The following TP63 variants were observed in gnomAD, a reference collection of about 807,000 sequenced individuals.
TP63 encodes the protein tumor protein 63.
A neutral mutation model predicts 82.8 loss-of-function variants in TP63; 17 were observed. The observed-to-expected ratio is 0.21, with a 90% CI of 0.14 to 0.31. TP63 has a LOEUF of 0.31. Among genes scored for constraint, TP63 ranks in the 10% least tolerant of loss-of-function variants. The pLI is 1.00. For missense variants in TP63, 648 were observed against 895.3 expected (o/e 0.72, Z 3.52); for synonymous variants, 330 against 321.7 (o/e 1.03, Z -0.28).
chr3:189,769,817 T>C (rs1187954413), intron 3 of TP63, among the ~76,000 whole-genome samples: 1 of 152,230 alleles, frequency 6.6e-6, no homozygotes, highest in Non-Finnish European at 1.5e-5. Context: ...ATTTTAATGC[T>C]AATTTGTTTT....
chr3:189,850,569 T>C (rs1466274542), intron 4 of TP63, among the ~76,000 whole-genome samples: 1 of 152,122 alleles, frequency 6.6e-6, no homozygotes, highest in Non-Finnish European at 1.5e-5. Flanking sequence ...TGTAGGATGA[T>C]GTAAATTAAA....
chr3:189,766,902 C>G (rs992074441), intron 3 of TP63, among the ~76,000 whole-genome samples: 1 of 152,160 alleles, frequency 6.6e-6, no homozygotes, highest in African/African-American at 2.4e-5. Context: ...AGGGATTAAA[C>G]TCTTTGGATG....
At chr3:189,882,413 G>A (rs1720012908) in intron 10 of TP63, among the ~76,000 whole-genome samples, 1 of 151,678 alleles carries the variant, frequency 6.6e-6, no homozygotes, top group African/African-American at 2.4e-5. Flanking sequence ...AGGCAGTACT[G>A]GGTAAAATTG....
intron 8 of TP63, 33 bp from the exon 9 acceptor site, chr3:189,869,291 C>T (rs1718117796): frequency 6.4e-7 from 1 of 1,570,300 alleles, no homozygotes; most frequent in African/African-American, 1.3e-5. Context: ...TAGAAGTGTT[C>T]CCAGGATGAA....
chr3:189,722,676 C>A (rs1433272615), intron 1 of TP63, among the ~76,000 whole-genome samples: 2 of 152,198 alleles, frequency 1.3e-5, no homozygotes, highest in African/African-American at 4.8e-5. Flanking sequence ...CAAAGTTATA[C>A]ACCTAGTAAA....
chr3:189,768,967 C>G (rs1723144701), intron 3 of TP63, among the ~76,000 whole-genome samples: 1 of 152,120 alleles, frequency 6.6e-6, no homozygotes, highest in African/African-American at 2.4e-5. Flanking sequence ...CTGCAGAAGA[C>G]CTCTTTGAAG....
At chr3:189,801,247 T>C (rs961273085) in intron 3 of TP63, among the ~76,000 whole-genome samples, 2 of 152,202 alleles carry the variant, frequency 1.3e-5, no homozygotes, top group East Asian at 1.9e-4. Flanking sequence ...ATATCTGCTA[T>C]ATAGAGCTAT....
chr3:189,796,347 G>A (rs948835385), intron 3 of TP63, among the ~76,000 whole-genome samples: 1 of 151,910 alleles, frequency 6.6e-6, no homozygotes, highest in South Asian at 2.1e-4. Flanking sequence ...CCTTTCCACA[G>A]CCTCCTTCAT....
At position 189,868,697 on chromosome 3, in the gene TP63, C is replaced by T. The variant is rs375593834; in HGVS notation, c.1110C>T (p.Asn370=). ...RKQQVSDSTK[N]GDGTKRPFRQ... The stretch of plus-strand genomic sequence containing the variant: ...AGCAAGTTTCGGACAGTACAAAGAA[C>T]GGTGATGGTACGAAGCGCCGTAAGT... The change falls in exon 8 of 14, where the codon AAC becomes AAT. Residue 370 remains asparagine (N), a synonymous_variant. Transcript: ENST00000264731. The T allele has an allele frequency of 2.0e-5, 33 of 1,613,866 alleles. No homozygotes were observed. The highest frequency in any genetic ancestry group is 5.0e-5 in the Admixed American group (3 of 59,992).
At chr3:189,871,593 G>A (rs1208096841) in intron 9 of TP63, among the ~76,000 whole-genome samples, 3 of 152,182 alleles carry the variant, frequency 2.0e-5, no homozygotes, top group African/African-American at 7.2e-5. Context: ...ACTGGGTGCA[G>A]CAACTGGGGT....
chr3:189,876,996 A>G (rs1200571531), intron 10 of TP63, among the ~76,000 whole-genome samples: 3 of 152,154 alleles, frequency 2.0e-5, no homozygotes, highest in African/African-American at 7.2e-5. Flanking sequence ...GTGGCACTAC[A>G]ATATTTTTAC....
chr3:189,661,053 G>A (rs185633130), intron 1 of TP63, among the ~76,000 whole-genome samples: 27 of 151,796 alleles, frequency 1.8e-4, no homozygotes, highest in African/African-American at 6.5e-4. Flanking sequence ...TTTCTATTTG[G>A]GTGTCTTTCA....
intron 4 of TP63, among the ~76,000 whole-genome samples, chr3:189,820,799 C>CG (rs1282885458): frequency 1.3e-5 from 2 of 152,228 alleles, no homozygotes; most frequent in Non-Finnish European, 2.9e-5. Flanking sequence ...ACAATCTTCA[C>CG]GTCCTTGATT....
chr3:189,777,842 C>T (rs866530502), intron 3 of TP63, among the ~76,000 whole-genome samples: 39 of 65,840 alleles, frequency 5.9e-4, no homozygotes, highest in Admixed American at 1.0e-3. Context: ...TCTTCTTCTT[C>T]TTCTTTTTTT....
chr3:189,784,336 G>A (rs1274076296), intron 3 of TP63, among the ~76,000 whole-genome samples: 3 of 152,056 alleles, frequency 2.0e-5, no homozygotes, highest in African/African-American at 2.4e-5. Flanking sequence ...TGACATTGAA[G>A]AAGGATAAAT....
intron 1 of TP63, among the ~76,000 whole-genome samples, chr3:189,711,170 C>A (rs781265703): frequency 6.6e-6 from 1 of 152,112 alleles, no homozygotes; most frequent in Admixed American, 6.6e-5. Context: ...GAGCCAGGAA[C>A]CATTACTTAA....
At position 189,785,290 on chromosome 3, in the gene TP63, T is replaced by C. The variant is rs191031458; in HGVS notation, c.325-22982T>C. ...CTTTGGGTAAATACTCTTCTAATTC[T>C]AGTTCTTTCTTATAGAATTATAGAA... On this transcript the variant is annotated intron_variant, in intron 3 of 13. Coordinates refer to ENST00000264731, the MANE Select transcript of TP63 (RefSeq NM_003722.5). Among the ~76,000 whole-genome samples, 223 of 152,208 alleles carry C rather than the reference T, an allele frequency of 1.5e-3. 4 individuals carry two copies. Among genetic ancestry groups the C allele is most frequent in the Non-Finnish European group, 1.2e-4 (8 of 67,964 alleles).
intron 1 of TP63, among the ~76,000 whole-genome samples, chr3:189,728,366 T>C (rs1425476677): frequency 6.6e-6 from 1 of 152,118 alleles, no homozygotes; most frequent in East Asian, 1.9e-4. Context: ...TGTGGGTAAA[T>C]TATGATAGAA....
chr3:189,846,611 GGT>G (rs71861936), intron 4 of TP63, among the ~76,000 whole-genome samples: 3,291 of 141,156 alleles, frequency 0.023, 35 homozygotes, highest in Non-Finnish European at 0.03. Context: ...TGGCCAGTAG[GGT>G]GTGTGTGTGT....
Sources: gnomAD v4.1 joint callset for allele counts (sites outside exome capture counted in the v4.1 genomes callset) on GRCh38, gnomAD v4.1.1 for gene constraint, MANE v1.5 for transcripts, NCBI Gene and HGNC (gene_info 2026-07-23, HGNC 2026-07-21) for gene names.